Variants in KCNIP4 observed in about 807,000 individuals in gnomAD.
KCNIP4 encodes the protein potassium voltage-gated channel interacting protein 4, also known as Kv channel-interacting protein 4.
A neutral mutation model predicts 34.0 loss-of-function variants in KCNIP4; 12 were observed. That is an observed-to-expected ratio of 0.35 (90% CI 0.23 to 0.57). The LOEUF is 0.57. KCNIP4 is among the 20% of genes least tolerant of loss of function. The pLI is 0.83. For missense variants in KCNIP4, 238 were observed against 311.7 expected (o/e 0.76, Z 1.78); for synonymous variants, 124 against 102.2 (o/e 1.21, Z -1.29).
chr4:20,780,658 G>C (rs1756793715), intron 3 of KCNIP4, among the ~76,000 whole-genome samples: 2 of 152,156 alleles, frequency 1.3e-5, no homozygotes, highest in African/African-American at 4.8e-5. Context: ...TCCAGGAACA[G>C]TTCTCCATCC....
intron 1 of KCNIP4, among the ~76,000 whole-genome samples, chr4:21,532,411 T>C (rs1009028381): frequency 1.3e-5 from 2 of 152,160 alleles, no homozygotes; most frequent in Non-Finnish European, 2.9e-5. Context: ...ACATTTTTTA[T>C]TACAACAAAA....
chr4:21,062,439 G>T (rs1744001097), intron 1 of KCNIP4, among the ~76,000 whole-genome samples: 1 of 152,020 alleles, frequency 6.6e-6, no homozygotes, highest in African/African-American at 2.4e-5. Context: ...AGGTCAGATT[G>T]GATTAGGAGG....
intron 1 of KCNIP4, among the ~76,000 whole-genome samples, chr4:21,183,224 A>G (rs1218075125): frequency 2.0e-5 from 3 of 152,150 alleles, no homozygotes; most frequent in South Asian, 2.1e-4. Context: ...TCTATTGTGT[A>G]TATGTACCAC....
intron 3 of KCNIP4, among the ~76,000 whole-genome samples, chr4:20,779,060 G>A (rs77980627): frequency 0.016 from 2,432 of 152,144 alleles, 30 homozygotes; most frequent in Non-Finnish European, 0.026. Context: ...CATAGGAAGT[G>A]GGATTGAAAA....
At chr4:21,253,266 T>C (rs1167417265) in intron 1 of KCNIP4, among the ~76,000 whole-genome samples, 3 of 152,186 alleles carry the variant, frequency 2.0e-5, no homozygotes, top group Non-Finnish European at 4.4e-5. Context: ...CTGAGGCTCA[T>C]TTTTGGCTCA....
At chr4:21,415,099 C>A (rs1035288314) in intron 1 of KCNIP4, among the ~76,000 whole-genome samples, 1 of 152,106 alleles carries the variant, frequency 6.6e-6, no homozygotes, top group African/African-American at 2.4e-5. Flanking sequence ...CCCATTCCCC[C>A]CCAGTCCCCA....
intron 1 of KCNIP4, among the ~76,000 whole-genome samples, chr4:21,239,079 C>T (rs1759595804): frequency 6.6e-6 from 1 of 151,976 alleles, no homozygotes; most frequent in Non-Finnish European, 1.5e-5. Flanking sequence ...TGCATATCTA[C>T]AACTATCTGA....
intron 1 of KCNIP4, among the ~76,000 whole-genome samples, chr4:21,627,502 T>A (rs1324159018): frequency 6.6e-6 from 1 of 152,168 alleles, no homozygotes; most frequent in Non-Finnish European, 1.5e-5. Flanking sequence ...ACATTAGCTG[T>A]TGATTATTTT....
chr4:20,827,733 C>A (rs1467932413), intron 3 of KCNIP4, among the ~76,000 whole-genome samples: 1 of 149,550 alleles, frequency 6.7e-6, no homozygotes, highest in African/African-American at 2.5e-5. Context: ...GCACATAGAG[C>A]AAAGCTGTAT....
At chr4:21,276,039 C>T (rs1323138469) in intron 1 of KCNIP4, among the ~76,000 whole-genome samples, 1 of 152,196 alleles carries the variant, frequency 6.6e-6, no homozygotes, top group Admixed American at 6.5e-5. Flanking sequence ...CCATTCTGGG[C>T]TACATGTGGC....
intron 1 of KCNIP4, chr4:20,983,931 G>C (rs1410567575): frequency 6.5e-7 from 1 of 1,536,028 alleles, no homozygotes. Flanking sequence ...AACATCCTCT[G>C]AGCTGGCAGA....
intron 1 of KCNIP4, among the ~76,000 whole-genome samples, chr4:21,086,006 C>T (rs568728520): frequency 6.6e-6 from 1 of 152,224 alleles, no homozygotes; most frequent in African/African-American, 2.4e-5. Context: ...AGTAATCGTC[C>T]ATTTCCTCTG....
intron 1 of KCNIP4, among the ~76,000 whole-genome samples, chr4:21,498,032 G>C (rs549748231): frequency 1.3e-5 from 2 of 152,204 alleles, no homozygotes; most frequent in East Asian, 3.9e-4. Context: ...TACTCCTTCA[G>C]AAAGCCCTGG....
At chr4:20,993,418 A>G (rs1178892966) in intron 1 of KCNIP4, among the ~76,000 whole-genome samples, 1 of 152,198 alleles carries the variant, frequency 6.6e-6, no homozygotes, top group Non-Finnish European at 1.5e-5. Context: ...AGTGCTCCCT[A>G]AATCAGAAGC....
intron 3 of KCNIP4, among the ~76,000 whole-genome samples, chr4:20,802,515 A>G (rs901937060): frequency 6.6e-6 from 1 of 152,178 alleles, no homozygotes; most frequent in East Asian, 1.9e-4. Flanking sequence ...CCAAACAGAC[A>G]TATACAAAAC....
intron 3 of KCNIP4, among the ~76,000 whole-genome samples, chr4:20,848,339 G>A (rs563661865): frequency 6.6e-6 from 1 of 151,560 alleles, no homozygotes; most frequent in Non-Finnish European, 1.5e-5. Flanking sequence ...ATTCACAAGG[G>A]GAAGAGACAG....
In KCNIP4 at chr4:21,467,111, CACACACAA is replaced by C. The variant is rs1350419171; in HGVS notation, c.61+481452_61+481459del. Among the ~76,000 whole-genome samples, 699 of 139,232 alleles carry C rather than the reference CACACACAA, an allele frequency of 5.0e-3. 4 individuals carry two copies. The highest frequency in any genetic ancestry group is 0.015 in the African/African-American group (571 of 39,022). 91.3% of individuals were successfully genotyped at this position (139,232 alleles called of 152,430 possible). On this transcript the variant is annotated intron_variant, in intron 1 of 8. Transcript: ENST00000382152. ...ACACACACACACACACACACACACA[CACACACAA>C]AACAGAACATAATAAAACAAACTGG... is the stretch of plus-strand genomic sequence containing the variant.
intron 1 of KCNIP4, among the ~76,000 whole-genome samples, chr4:21,665,511 A>C (rs1292781707): frequency 7.1e-4 from 99 of 138,926 alleles, no homozygotes; most frequent in Non-Finnish European, 9.2e-4. Flanking sequence ...ATCACAGGGC[A>C]CCCCCCCCCC....
chr4:20,841,920 C>T (rs902599750), intron 3 of KCNIP4, among the ~76,000 whole-genome samples: 2 of 152,036 alleles, frequency 1.3e-5, no homozygotes, highest in Non-Finnish European at 2.9e-5. Context: ...TTTCTACCTT[C>T]CCATGGCCGT....
Sources: allele counts gnomAD v4.1 joint callset (sites outside exome capture counted in the v4.1 genomes callset), GRCh38; gene constraint gnomAD v4.1.1; transcripts MANE v1.5; gene names NCBI Gene and HGNC (gene_info 2026-07-23, HGNC 2026-07-21).